E2F2: variants seen among roughly 807,000 people sequenced by gnomAD.
The protein encoded by E2F2 is transcription factor E2F2.
In E2F2, 22 loss-of-function variants were observed where a neutral mutation model predicts 42.2. The observed-to-expected ratio is 0.52, with a 90% CI of 0.37 to 0.74. The LOEUF (loss-of-function observed/expected upper bound fraction) is 0.74, where lower values mean the gene tolerates loss of function less well. E2F2 is among the 30% of genes least tolerant of loss of function. E2F2 has a pLI of 0.00. For synonymous variants in E2F2, 248 were observed against 251.6 expected, an observed-to-expected ratio of 0.99 and a Z score of 0.13; for missense variants, 481 against 557.8, an observed-to-expected ratio of 0.86 and a Z score of 1.39.
At position 23,530,959 on chromosome 1, in the gene E2F2, G is replaced by A. The variant is rs185238621; in HGVS notation, c.-166C>T. 1,094 of 826,190 alleles carry A rather than the reference G, an allele frequency of 1.3e-3. 33 individuals are homozygous for A. The East Asian group carries it at 0.033, about 25-fold the overall frequency. The allele number at this position is 826,190 out of a possible 1,614,324, so 51.2% of individuals were successfully genotyped here. The stretch of plus-strand genomic sequence containing the variant: ...CCGGACCCTCCCCTCCTGGCCCGCG[G>A]CCGAGCAGAGAGCAGCGCTTAGAGA... On this transcript the variant is annotated 5_prime_UTR_variant, in exon 1 of 7. Transcript: ENST00000361729. The surrounding 1 kb of genome is among the most constrained non-coding windows in gnomAD (Gnocchi z 4.4).
chr1:23,525,188 A>ACC (rs35872069), intron 1 of E2F2, among the ~76,000 whole-genome samples: 22 of 146,616 alleles, frequency 1.5e-4, no homozygotes, highest in Admixed American at 4.7e-4. Context: ...AGCTGAGGCC[A>ACC]CCCCCCCCCT....
intron 4 of E2F2, chr1:23,519,390 T>C: frequency 3.7e-6 from 1 of 270,538 alleles, no homozygotes; most frequent in Non-Finnish European, 7.0e-6. Context: ...ATGTAAAGGC[T>C]TCATCTCTCA....
At chr1:23,520,823 TTAGGG>T in intron 4 of E2F2, 85 bp downstream of exon 4, 1 of 1,327,672 alleles carries the variant, frequency 7.5e-7, no homozygotes, top group Non-Finnish European at 9.8e-7. Flanking sequence ...TGCCAGACCC[TTAGGG>T]TAAGTTACTG....
rs148020367 is a variant in E2F2 at position 23,526,702 on chromosome 1, G to A, written c.253-2214C>T. ...ACATGCCCAAGGTCACACAAAGGCCGGAGCCAGGGTTTGAACCCAGGCCTG... is the reference window on the plus strand; with the variant it reads ...ACATGCCCAAGGTCACACAAAGGCCAGAGCCAGGGTTTGAACCCAGGCCTG... On this transcript the variant is annotated intron_variant, in intron 1 of 6. Coordinates refer to ENST00000361729, the MANE Select transcript of E2F2 (RefSeq NM_004091.4). Among the ~76,000 whole-genome samples, 34 of 152,300 alleles carry A rather than the reference G, an allele frequency of 2.2e-4. 1 individual carries two copies. The East Asian group carries it at 5.8e-3, about 26-fold the overall frequency.
Position 23,530,736 on chromosome 1 carries a change from G to C in E2F2, c.58C>G (p.Pro20Ala), listed in dbSNP as rs1340653366. 6.3e-7 allele frequency: 1 copy of C among 1,598,180 alleles called. No homozygotes were observed. The highest frequency in any genetic ancestry group is 1.8e-4 in the Middle Eastern group (1 of 5,650). The change falls in exon 1 of 7, where the codon CCC becomes GCC. Residue 20 changes from proline (P) to alanine (A), a missense_variant. Coordinates refer to ENST00000361729, the MANE Select transcript of E2F2 (RefSeq NM_004091.4). This position sits in a 1 kb window ranked among gnomAD's most constrained non-coding sequence, Gnocchi z 4.4. ...CACAGCTCTGTGGGGCTCATCGCGG[G>C]CACCACCTTCGGGGTCTGCCCAGCG... ...SAAGQTPKVV[P>A]AMSPTELWPS...
At chr1:23,525,231 G>A (rs1206341363) in intron 1 of E2F2, among the ~76,000 whole-genome samples, 1 of 151,984 alleles carries the variant, frequency 6.6e-6, no homozygotes, top group African/African-American at 2.4e-5. Context: ...GCCAAGCTTG[G>A]GAAACACCTG....
chr1:23,520,769 A>C, intron 4 of E2F2, 144 bp downstream of exon 4: 1 of 717,376 alleles, frequency 1.4e-6, no homozygotes, highest in Non-Finnish European at 2.0e-6. Flanking sequence ...ATAATTTTAA[A>C]AATAGACTTG....
chr1:23,529,299 C>T (rs528567258), intron 1 of E2F2, among the ~76,000 whole-genome samples: 2 of 152,322 alleles, frequency 1.3e-5, no homozygotes, highest in East Asian at 3.9e-4. Context: ...AATACCATTC[C>T]TGCCCACTGC....
Position 23,522,096 on chromosome 1 carries a change from A to AGGGCCC in E2F2, c.359-46_359-41dup, listed in dbSNP as rs755033118. Reference sequence around the variant, plus strand: ...GACCCAGTCACAGCTCAGGGAGGGGAGGGCCCGCCCAGGACCCTCGTCCAT... The same window carrying AGGGCCC: ...GACCCAGTCACAGCTCAGGGAGGGGAGGGCCCGGGCCCGCCCAGGACCCTCGTCCAT... On this transcript the variant is annotated intron_variant, in intron 2 of 6. Transcript: ENST00000361729. 7.5e-6 allele frequency: 12 copies of AGGGCCC among 1,597,542 alleles called. 1 individual carries two copies. The East Asian group carries it at 2.7e-4, about 36-fold the overall frequency.
At chr1:23,514,760 C>T (rs1485417863) in intron 6 of E2F2, among the ~76,000 whole-genome samples, 2 of 149,940 alleles carry the variant, frequency 1.3e-5, no homozygotes, top group Non-Finnish European at 3.0e-5. Flanking sequence ...TTGATTGAAC[C>T]CAGGAGGCAG....
rs1344470745 is a variant in E2F2, at chr1:23,519,006, C to A, written c.852+10G>T. 2.2e-5 allele frequency: 35 copies of A among 1,610,832 alleles called. No individual in the cohort carries two copies. Among genetic ancestry groups the A allele is most frequent in the Non-Finnish European group, 2.9e-5 (34 of 1,177,588 alleles). On this transcript the variant is annotated intron_variant, in intron 5 of 6. Coordinates refer to ENST00000361729, the MANE Select transcript of E2F2 (RefSeq NM_004091.4). ...CAACCCTGCTCTCCACCAAATATTT[C>A]CCCTCTCACCTCAGTCCTGTCGGGC...
chr1:23,506,228 T>A (rs1642793067), downstream of E2F2, among the ~76,000 whole-genome samples: 4 of 152,092 alleles, frequency 2.6e-5, no homozygotes, highest in South Asian at 8.3e-4. Context: ...GCTGATCACA[T>A]TTTAGATCTG....
chr1:23,523,833 G>C (rs1004704361), intron 2 of E2F2, among the ~76,000 whole-genome samples: 2 of 152,108 alleles, frequency 1.3e-5, no homozygotes, highest in African/African-American at 4.8e-5. Context: ...CACCACTTTG[G>C]GAGGCCGAGG....
chr1:23,516,181 TA>T (rs1643013414), intron 6 of E2F2, among the ~76,000 whole-genome samples, 153 bp downstream of exon 6: 1 of 152,182 alleles, frequency 6.6e-6, no homozygotes, highest in African/African-American at 2.4e-5. Context: ...TGAGGCTTTA[TA>T]AAGCATTAAG....
At position 23,530,213 on chromosome 1, in the gene E2F2, G is replaced by C. The variant is rs1442428262; in HGVS notation, c.252+329C>G. Among the ~76,000 whole-genome samples the C allele has an allele frequency of 6.6e-6, 1 of 152,212 alleles. No homozygotes were observed. The highest frequency in any genetic ancestry group is 1.9e-4 in the East Asian group (1 of 5,192). ...TACTGGTTTCTGGCCAAACAATGAA[G>C]TAATGAATGAATGGCGGCAACGCTG... On this transcript the variant is annotated intron_variant, in intron 1 of 6. Coordinates refer to ENST00000361729, the MANE Select transcript of E2F2 (RefSeq NM_004091.4). The surrounding 1 kb of genome is among the most constrained non-coding windows in gnomAD (Gnocchi z 4.4).
At position 23,521,908 on chromosome 1, in the gene E2F2, G is replaced by T. The variant is rs1233676630; in HGVS notation, c.507C>A (p.Ile169=). 1 of 1,614,090 alleles carries T rather than the reference G, an allele frequency of 6.2e-7. No homozygotes were observed. The change falls in exon 3 of 7, where the codon ATC becomes ATA. Residue 169 remains isoleucine, a synonymous_variant. Coordinates refer to ENST00000361729, the MANE Select transcript of E2F2 (RefSeq NM_004091.4). Reference sequence around the variant, plus strand: ...CTTCCAGCACGTTGGTGATGTCATAGATGCGCCGCTTCTGCACGTCCAGCA... The same window carrying T: ...CTTCCAGCACGTTGGTGATGTCATATATGCGCCGCTTCTGCACGTCCAGCA... ...AEVLDVQKRR[I]YDITNVLEGI... is the part of the protein sequence containing the mutation.
At chr1:23,527,545 C>T (rs768542297) in intron 1 of E2F2, among the ~76,000 whole-genome samples, 4 of 152,226 alleles carry the variant, frequency 2.6e-5, no homozygotes, top group Non-Finnish European at 4.4e-5. Context: ...AACCCCCTTA[C>T]GGGCACCACG....
intron 1 of E2F2, among the ~76,000 whole-genome samples, chr1:23,529,050 CA>C (rs1360568789): frequency 6.6e-6 from 1 of 151,966 alleles, no homozygotes; most frequent in Non-Finnish European, 1.5e-5. Flanking sequence ...CCTGTCTCTA[CA>C]AAAAATAAAA....
chr1:23,516,498 G>C lies in E2F2; in HGVS notation c.882C>G (p.Thr294=). 1 of 1,609,010 alleles carries C rather than the reference G, an allele frequency of 6.2e-7. No individual in the cohort carries two copies. The highest frequency in any genetic ancestry group is 8.5e-7 in the Non-Finnish European group (1 of 1,177,904). The change falls in exon 6 of 7, where the codon ACC becomes ACG. Residue 294 remains threonine, a synonymous_variant. Transcript: ENST00000361729. ...EDNLQIYLKS[T]QGPIEVYLCP... Reference sequence around the variant, plus strand: ...ACAGGTAGACTTCGATGGGCCCTTGGGTGCTCTTGAGATATATCTGCAGGT... The same window carrying C: ...ACAGGTAGACTTCGATGGGCCCTTGCGTGCTCTTGAGATATATCTGCAGGT...
Sources: gnomAD v4.1 joint callset for allele counts (sites outside exome capture counted in the v4.1 genomes callset) on GRCh38, gnomAD v4.1.1 for gene constraint, Gnocchi (gnomAD v3.1) non-coding constraint, MANE v1.5 for transcripts, NCBI Gene and HGNC (gene_info 2026-07-23, HGNC 2026-07-21) for gene names.